The following SHPRH variants were observed in gnomAD, a reference collection of about 807,000 sequenced individuals.
SHPRH encodes the protein SNF2 histone linker PHD RING helicase, also known as E3 ubiquitin-protein ligase SHPRH.
In SHPRH, 106 loss-of-function variants were observed where a neutral mutation model predicts 202.5. That is an observed-to-expected ratio of 0.52 (90% CI 0.45 to 0.62). SHPRH has a LOEUF of 0.62. Among genes scored for constraint, SHPRH ranks in the 20% least tolerant of loss-of-function variants. The pLI is 0.00. For synonymous variants in SHPRH, 729 were observed against 686.0 expected (o/e 1.06, Z -0.98); for missense variants, 1,710 against 2,020.0 (o/e 0.85, Z 2.94).
intron 6 of SHPRH, 106 bp downstream of exon 6, chr6:145,947,387 G>T: frequency 2.4e-6 from 3 of 1,260,612 alleles, no homozygotes; most frequent in Non-Finnish European, 3.3e-6. Context: ...ATTACCCACA[G>T]AGTGAACAGA....
At chr6:145,947,030 G>A (rs752282191) in intron 6 of SHPRH, among the ~76,000 whole-genome samples, 4 of 152,092 alleles carry the variant, frequency 2.6e-5, no homozygotes, top group Admixed American at 6.6e-5. Flanking sequence ...TTTGGGACAA[G>A]GACTTGAAGT....
chr6:145,911,072 A>C (rs1044961437), intron 24 of SHPRH, among the ~76,000 whole-genome samples: 1 of 152,142 alleles, frequency 6.6e-6, no homozygotes. Flanking sequence ...TAGTATCTCA[A>C]ATTTATTTTG....
chr6:145,909,931 T>A (rs2128735404), intron 25 of SHPRH: 1 of 152,204 alleles, frequency 6.6e-6, no homozygotes, highest in South Asian at 2.1e-4. Flanking sequence ...TGGAAAAAAA[T>A]TAGGAAAATA....
chr6:145,919,044 CTGAGAA>C (rs1257554760), intron 22 of SHPRH: 1 of 206,076 alleles, frequency 4.9e-6, no homozygotes, highest in Non-Finnish European at 9.6e-6. Context: ...TAAAAAGTGA[CTGAGAA>C]TATCTATTGG....
At chr6:145,883,287 CATT>C (rs1780721292), downstream of SHPRH, 1 of 152,158 alleles carries the variant, frequency 6.6e-6, no homozygotes, top group African/African-American at 2.4e-5. Flanking sequence ...GAGTCACTGA[CATT>C]AAATGATGAA....
At chr6:145,894,817 A>G in intron 26 of SHPRH, 68 bp downstream of exon 26, 1 of 1,380,466 alleles carries the variant, frequency 7.2e-7, no homozygotes, top group Non-Finnish European at 1.0e-6. Flanking sequence ...ATTAGTTCTC[A>G]GCTGTAAACT....
rs765448084 is a variant in SHPRH at position 145,955,230 on chromosome 6, A to G, written c.93T>C (p.Asn31=). 1.4e-5 allele frequency: 22 copies of G among 1,613,446 alleles called. 1 individual carries two copies. The highest frequency in any genetic ancestry group is 3.3e-5 in the Admixed American group (2 of 59,968). The part of the protein sequence containing the change: ...LHWNMHEDRR[N]EPIIISDDDE... ...CATCATCACTTATGATGATAGGTTCATTCCTTCTGTCCTCATGCATATTCC... is the reference window on the plus strand; with the variant it reads ...CATCATCACTTATGATGATAGGTTCGTTCCTTCTGTCCTCATGCATATTCC... The change falls in exon 2 of 30, where the codon AAT becomes AAC. Residue 31 remains asparagine, a synonymous_variant. Coordinates refer to ENST00000275233, the MANE Select transcript of SHPRH (RefSeq NM_001042683.3).
chr6:145,922,665 G>A lies in SHPRH; in HGVS notation c.3717C>T (p.Asn1239=), dbSNP rs1275747844. The A allele has an allele frequency of 6.2e-7, 1 of 1,601,232 alleles. No homozygotes were observed. Among genetic ancestry groups the A allele is most frequent in the Non-Finnish European group, 8.5e-7 (1 of 1,175,150 alleles). ...GTATGATTTCTTCTATTACCTACCA[G>A]TTGAGAGGAAGTCTGGCTGGTCGGA... ...CHLRPARLPL[N]CCVFCKADEL... is the part of the protein sequence containing the mutation. The change falls in exon 19 of 30, where the codon AAC becomes AAT. Residue 1239 remains asparagine (N), a splice_region_variant and synonymous_variant. Coordinates refer to ENST00000275233, the MANE Select transcript of SHPRH (RefSeq NM_001042683.3).
chr6:145,963,908 TGAG>T lies in SHPRH; in HGVS notation c.-213_-211del, dbSNP rs912504888. ...GACAAACACCGCAGGCCCCAGTGCA[TGAG>T]GAGAAGCACAGCCTCCTTTCCCACG... On this transcript the variant is annotated 5_prime_UTR_variant, in exon 1 of 30. Transcript: ENST00000275233. 2.6e-5 allele frequency: 4 copies of T among 152,256 alleles called. No individual in the cohort carries two copies. The highest frequency in any genetic ancestry group is 2.0e-4 in the Admixed American group (3 of 15,286). 9.4% of individuals were successfully genotyped at this position (152,256 alleles called of 1,614,324 possible). A position where few individuals can be genotyped will look rare whatever the true frequency, so the allele number is the denominator to read the frequency against.
intron 14 of SHPRH, among the ~76,000 whole-genome samples, chr6:145,930,251 T>C (rs1343554785): frequency 6.6e-6 from 1 of 152,176 alleles, no homozygotes; most frequent in Non-Finnish European, 1.5e-5. Context: ...AGAAGATTTA[T>C]ATTCTACAAA....
Position 145,922,739 on chromosome 6 carries a change from C to T in SHPRH, c.3643G>A (p.Glu1215Lys), listed in dbSNP as rs765026891. 6.2e-7 allele frequency: 1 copy of T among 1,612,166 alleles called. No homozygotes were observed. The highest frequency in any genetic ancestry group is 2.2e-5 in the East Asian group (1 of 44,768). ...ATAACATTACGAGATGGAGGTCCCT[C>T]CAGGTTTTTTACAGCCTCTCTTACT... ...KLVREAVKNL[E>K]GPPSRNVIES... is the part of the protein sequence containing the mutation. The change falls in exon 19 of 30, where the codon GAG (glutamate) becomes AAG (lysine). Residue 1215 changes from glutamate to lysine, a missense_variant. Around this residue, in one of 8 missense-constraint regions of SHPRH, gnomAD observed 288 missense variants for 317.8 expected, o/e 0.91. Transcript: ENST00000275233.
chr6:145,917,784 A>G (rs937205800), intron 23 of SHPRH: 1 of 168,028 alleles, frequency 6.0e-6, no homozygotes, highest in African/African-American at 2.4e-5. Flanking sequence ...ACAAATTACA[A>G]CATATTTTTG....
At chr6:145,895,536 T>G (rs1276868297) in intron 25 of SHPRH, among the ~76,000 whole-genome samples, 3 of 141,300 alleles carry the variant, frequency 2.1e-5, no homozygotes, top group African/African-American at 7.5e-5. Context: ...TAAAACTGTG[T>G]GTTTTTTTTT....
At chr6:145,935,591 C>T in intron 11 of SHPRH, 150 bp from the exon 12 acceptor site, 2 of 749,724 alleles carry the variant, frequency 2.7e-6, no homozygotes, top group South Asian at 4.2e-5. Context: ...AATTCAATTC[C>T]AATTCCATTT....
At chr6:145,936,381 G>A (rs1047468922) in intron 11 of SHPRH, among the ~76,000 whole-genome samples, 17 of 152,126 alleles carry the variant, frequency 1.1e-4, no homozygotes, top group Admixed American at 2.0e-4. Context: ...CCAGGCTCGA[G>A]TGCAGTGGCA....
intron 2 of SHPRH, chr6:145,876,861 G>T (rs1780327966): frequency 6.6e-6 from 1 of 152,110 alleles, no homozygotes; most frequent in South Asian, 2.1e-4. Flanking sequence ...AGCCATCAGG[G>T]GCCTGTCCGC....
At chr6:145,888,795 G>A (rs1364913765) in intron 28 of SHPRH, among the ~76,000 whole-genome samples, 3 of 152,120 alleles carry the variant, frequency 2.0e-5, no homozygotes, top group Non-Finnish European at 4.4e-5. Context: ...GGTAAGTAAG[G>A]GTGGATGCAC....
chr6:145,935,366 C>A lies in SHPRH; in HGVS notation c.2645G>T (p.Arg882Leu). The A allele has an allele frequency of 1.9e-6, 3 of 1,613,766 alleles. No homozygotes were observed. The East Asian group carries it at 6.7e-5, about 36-fold the overall frequency. Residue 882 changes from arginine (R) to leucine (L), a missense_variant, in exon 12 of 30, where the codon CGG becomes CTG. Physicochemically the swap from Arg to Leu is moderately radical, Grantham distance 102 (BLOSUM62 -2). This residue lies in a region of SHPRH where 277 missense variants were observed against 363.0 expected (regional missense o/e 0.76). Coordinates refer to ENST00000275233, the MANE Select transcript of SHPRH (RefSeq NM_001042683.3). ...CTGAGGATTCTTCTTGCAGTAAGGC[C>A]GATAGAGAAGTCGAACCCACCAGTG... ...VKHWWVRLLY[R>L]PYCKKNPQHL... is the part of the protein sequence containing the mutation.
chr6:145,958,828 CATTT>C (rs575813834), intron 1 of SHPRH, among the ~76,000 whole-genome samples: 9 of 151,794 alleles, frequency 5.9e-5, no homozygotes, highest in African/African-American at 9.7e-5. Flanking sequence ...CATCATAATG[CATTT>C]ATTTATTTAT....
Sources: allele counts gnomAD v4.1 joint callset (sites outside exome capture counted in the v4.1 genomes callset), GRCh38; gene constraint gnomAD v4.1.1; regional missense constraint gnomAD v4.1.1; transcripts MANE v1.5; gene names NCBI Gene and HGNC (gene_info 2026-07-23, HGNC 2026-07-21).